MLXIP: variants seen among roughly 807,000 people sequenced by gnomAD.
MLXIP encodes the protein MLX-interacting protein.
In MLXIP, 30 loss-of-function variants were observed where a neutral mutation model predicts 87.2. The ratio of observed to expected loss-of-function variants is 0.34; its 90% confidence interval spans 0.26 to 0.47. The LOEUF is 0.47. Ranked by LOEUF, MLXIP falls within the 20% of genes least tolerant of loss-of-function variation. The pLI, the probability that MLXIP is intolerant of heterozygous loss-of-function variation, is 1.00. For missense variants in MLXIP, 1,002 were observed against 1,240.1 expected (o/e 0.81, Z 2.88); for synonymous variants, 530 against 514.0 (o/e 1.03, Z -0.42).
Position 122,079,208 on chromosome 12 carries a change from C to T in MLXIP, c.355C>T (p.His119Tyr). ...TYSFGKTSSC[H>Y]LSIDASLTKL... ...CAGCTTCGGCAAGACTAGCTCCTGC[C>T]ACCTGTCCATCGACGCCTCGCTCAC... The change falls in exon 1 of 17, where the codon CAC (histidine) becomes TAC (tyrosine). Residue 119 changes from histidine to tyrosine, a missense_variant. Physicochemically the swap from His to Tyr is moderately conservative, Grantham distance 83. Around this residue, in one of 3 missense-constraint regions of MLXIP, gnomAD observed 127 missense variants for 239.0 expected, o/e 0.53. Coordinates refer to ENST00000319080, the MANE Select transcript of MLXIP (RefSeq NM_014938.6). The T allele has an allele frequency of 2.6e-6, 4 of 1,551,392 alleles. No individual in the cohort carries two copies. The highest frequency in any genetic ancestry group is 3.5e-6 in the Non-Finnish European group (4 of 1,146,856).
chr12:122,118,570 G>C (rs1408879603), intron 1 of MLXIP, among the ~76,000 whole-genome samples: 2 of 152,128 alleles, frequency 1.3e-5, no homozygotes, highest in Admixed American at 1.3e-4. Flanking sequence ...ATACCAGGCC[G>C]GGCGCAGTGG....
At position 122,129,219 on chromosome 12, in the gene MLXIP, A is replaced by G. The variant is rs759545510; in HGVS notation, c.689A>G (p.Lys230Arg). Residue 230 changes from lysine (K) to arginine (R), a missense_variant, in exon 4 of 17, where the codon AAG becomes AGG. Around this residue, in one of 3 missense-constraint regions of MLXIP, gnomAD observed 127 missense variants for 239.0 expected, o/e 0.53. Transcript: ENST00000319080. ...REYHKWRTYF[K>R]KRLQQHKDED... ...TATCACAAGTGGAGAACCTACTTCA[A>G]GAAAAGGGTATCTGGCTGGAGTGTT... 2 of 1,607,810 alleles carry G rather than the reference A, an allele frequency of 1.2e-6. No homozygotes were observed. Among genetic ancestry groups the G allele is most frequent in the East Asian group, 2.2e-5 (1 of 44,734 alleles).
chr12:122,112,707 A>AAT (rs1952623348), intron 1 of MLXIP, among the ~76,000 whole-genome samples: 1 of 152,146 alleles, frequency 6.6e-6, no homozygotes, highest in Non-Finnish European at 1.5e-5. Flanking sequence ...AGTGGTCCCA[A>AAT]ATATATGTAT....
intron 1 of MLXIP, among the ~76,000 whole-genome samples, chr12:122,114,076 C>G (rs1231938200): frequency 6.6e-6 from 1 of 151,650 alleles, no homozygotes; most frequent in Non-Finnish European, 1.5e-5. Flanking sequence ...CAACCTCTGC[C>G]TCCCAGGTTC....
At chr12:122,085,435 G>A (rs891031866) in intron 1 of MLXIP, among the ~76,000 whole-genome samples, 19 of 148,518 alleles carry the variant, frequency 1.3e-4, no homozygotes, top group African/African-American at 4.5e-4. Flanking sequence ...ATGGAGTCTC[G>A]CTCTGTCGCC....
Position 122,145,344 on chromosome 12 carries a change from C to G in MLXIP, c.*3532C>G, listed in dbSNP as rs1023039300. 1.3e-5 allele frequency: 2 copies of G among 152,270 alleles called. No individual in the cohort carries two copies. The highest frequency in any genetic ancestry group is 4.1e-4 in the South Asian group (2 of 4,830). 9.4% of individuals were successfully genotyped at this position (152,270 alleles called of 1,614,324 possible). A position where few individuals can be genotyped will look rare whatever the true frequency, so the allele number is the denominator to read the frequency against. ...TTCCCGCCCATGGGCCCTGACCACA[C>G]TCCCTTTTCTAGAAGTCAATCCTAA... is the stretch of plus-strand genomic sequence containing the variant. On this transcript the variant is annotated 3_prime_UTR_variant, in exon 17 of 17. Transcript: ENST00000319080.
In MLXIP at chr12:122,130,841, C is replaced by G. The variant is rs982003069; in HGVS notation, c.911-3C>G. Reference sequence around the variant, plus strand: ...ATGGTTCCTCTCTCTGTGATTCTTGCAGCACATCTGGGAAATGCAGACATG... The same window carrying G: ...ATGGTTCCTCTCTCTGTGATTCTTGGAGCACATCTGGGAAATGCAGACATG... On this transcript the variant is annotated splice_polypyrimidine_tract_variant and splice_region_variant and intron_variant, in intron 6 of 16. Transcript: ENST00000319080. 5 of 1,609,310 alleles carry G rather than the reference C, an allele frequency of 3.1e-6. No individual in the cohort carries two copies. The highest frequency in any genetic ancestry group is 4.3e-6 in the Non-Finnish European group (5 of 1,175,788).
At chr12:122,120,786 C>T (rs373060944) in intron 1 of MLXIP, among the ~76,000 whole-genome samples, 4 of 152,128 alleles carry the variant, frequency 2.6e-5, no homozygotes, top group South Asian at 4.1e-4. Flanking sequence ...ACTCATTGTA[C>T]CTGTCCTGCA....
intron 1 of MLXIP, among the ~76,000 whole-genome samples, chr12:122,093,455 G>A (rs1329719921): frequency 6.8e-6 from 1 of 147,670 alleles, no homozygotes; most frequent in African/African-American, 2.5e-5. Flanking sequence ...TGTGTGGGGT[G>A]TGTGTATGTT....
At chr12:122,096,291 C>G (rs1014212712) in intron 1 of MLXIP, among the ~76,000 whole-genome samples, 8 of 152,006 alleles carry the variant, frequency 5.3e-5, no homozygotes, top group African/African-American at 1.9e-4. Flanking sequence ...TATGGATGTA[C>G]TACTATTTAT....
At chr12:122,141,239 G>C in intron 16 of MLXIP, 156 bp downstream of exon 16, 2 of 651,608 alleles carry the variant, frequency 3.1e-6, no homozygotes, top group Non-Finnish European at 3.8e-6. Context: ...AGTCAGGAGC[G>C]CCCAGTGGGG....
intron 1 of MLXIP, among the ~76,000 whole-genome samples, chr12:122,114,881 G>C (rs549063497): frequency 2.0e-5 from 3 of 152,042 alleles, no homozygotes; most frequent in African/African-American, 7.2e-5. Context: ...GAGTAGCTGG[G>C]ATTACAGGTA....
At chr12:122,139,832 C>T (rs982559476) in intron 15 of MLXIP, among the ~76,000 whole-genome samples, 2 of 152,200 alleles carry the variant, frequency 1.3e-5, no homozygotes, top group African/African-American at 4.8e-5. Context: ...TGCCACCACG[C>T]CCGGCTAATT....
chr12:122,092,916 T>TGATGTGTGGTGGTGTGTGG (rs1555227202), intron 1 of MLXIP, among the ~76,000 whole-genome samples: 12 of 150,708 alleles, frequency 8.0e-5, no homozygotes, highest in African/African-American at 2.7e-4. Context: ...TTGTTGTGTG[T>TGATGTGTGGTGGTGTGTGG]GATGTGTGTG....
At chr12:122,097,577 C>T (rs1279360959) in intron 1 of MLXIP, among the ~76,000 whole-genome samples, 3 of 150,862 alleles carry the variant, frequency 2.0e-5, no homozygotes, top group African/African-American at 7.3e-5. Context: ...ATGATCACTG[C>T]ACTCCCGCCT....
In MLXIP at chr12:122,142,373, G is replaced by A; in HGVS notation, c.*561G>A. The A allele has an allele frequency of 1.8e-6, 1 of 542,638 alleles. No homozygotes were observed. Among genetic ancestry groups the A allele is most frequent in the African/African-American group, 1.9e-5 (1 of 53,336 alleles). 33.6% of individuals were successfully genotyped at this position (542,638 alleles called of 1,614,324 possible). A position where few individuals can be genotyped will look rare whatever the true frequency, so the allele number is the denominator to read the frequency against. ...GGGCTTCTATTCAGGCTTATGCATGGCAGGCTGCCAGGGGGAAGTGCCTTC... is the reference window on the plus strand; with the variant it reads ...GGGCTTCTATTCAGGCTTATGCATGACAGGCTGCCAGGGGGAAGTGCCTTC... On this transcript the variant is annotated 3_prime_UTR_variant, in exon 17 of 17. Coordinates refer to ENST00000319080, the MANE Select transcript of MLXIP (RefSeq NM_014938.6).
At position 122,078,897 on chromosome 12, in the gene MLXIP, G is replaced by A. The variant is rs2135880938; in HGVS notation, c.44G>A (p.Ser15Asn). 1.7e-6 allele frequency: 2 copies of A among 1,145,308 alleles called. No homozygotes were observed. The highest frequency in any genetic ancestry group is 2.2e-6 in the Non-Finnish European group (2 of 927,250). 70.9% of individuals were successfully genotyped at this position (1,145,308 alleles called of 1,614,324 possible). The change falls in exon 1 of 17, where the codon AGC becomes AAC. Residue 15 changes from serine to asparagine, a missense_variant. Physicochemically the swap from Ser to Asn is conservative, Grantham distance 46. This residue lies in a region of MLXIP where 129 missense variants were observed against 104.2 expected (regional missense o/e 1.24). Transcript: ENST00000319080. The part of the protein sequence containing the change: ...VFMCSPRRPR[S>N]RGRQVLLKPQ... ...ATGTGCTCCCCGCGCCGGCCTCGCA[G>A]CCGGGGCCGCCAGGTGCTGCTCAAG...
chr12:122,098,302 A>C (rs1337216050), intron 1 of MLXIP, among the ~76,000 whole-genome samples: 1 of 152,074 alleles, frequency 6.6e-6, no homozygotes, highest in Non-Finnish European at 1.5e-5. Flanking sequence ...TCCCTGTCCT[A>C]GAGGGCCCTG....
chr12:122,082,708 A>AT (rs1472340381), intron 1 of MLXIP, among the ~76,000 whole-genome samples: 17 of 152,180 alleles, frequency 1.1e-4, no homozygotes, highest in African/African-American at 3.6e-4. Context: ...AGCATTCTTG[A>AT]TTTGGCCGGG....
Sources: allele counts gnomAD v4.1 joint callset (sites outside exome capture counted in the v4.1 genomes callset), GRCh38; gene constraint gnomAD v4.1.1; regional missense constraint gnomAD v4.1.1; transcripts MANE v1.5; gene names NCBI Gene and HGNC (gene_info 2026-07-23, HGNC 2026-07-21).